Variants in PHACTR1 observed in about 807,000 individuals in gnomAD.
The protein encoded by PHACTR1 is RPEL repeat containing 1.
A neutral mutation model predicts 69.2 loss-of-function variants in PHACTR1; 16 were observed. The observed-to-expected ratio is 0.23, with a 90% CI of 0.16 to 0.35. PHACTR1 has a LOEUF of 0.35. Ranked by LOEUF, PHACTR1 falls within the 10% of genes least tolerant of loss-of-function variation. The pLI is 1.00. For missense variants in PHACTR1, 510 were observed against 734.7 expected (o/e 0.69, Z 3.54); for synonymous variants, 312 against 284.5 (o/e 1.10, Z -0.97).
At chr6:13,258,752 T>C (rs1008494854) in intron 10 of PHACTR1, among the ~76,000 whole-genome samples, 3 of 152,210 alleles carry the variant, frequency 2.0e-5, no homozygotes, top group African/African-American at 7.2e-5. Context: ...GGTTCATTTT[T>C]TGCCAAAGGT....
intron 3 of PHACTR1, among the ~76,000 whole-genome samples, chr6:12,737,440 CAGAG>C (rs1191120512): frequency 6.6e-6 from 1 of 151,392 alleles, no homozygotes; most frequent in African/African-American, 2.4e-5. Context: ...CATATGTGTC[CAGAG>C]AGATGAGGGA....
chr6:13,253,859 G>A (rs924331508), intron 10 of PHACTR1, among the ~76,000 whole-genome samples: 2 of 152,216 alleles, frequency 1.3e-5, no homozygotes, highest in East Asian at 1.9e-4. Flanking sequence ...TCACTGAAGG[G>A]CTAAGACAGT....
chr6:12,844,389 C>T (rs977596793), intron 4 of PHACTR1, among the ~76,000 whole-genome samples: 19 of 151,976 alleles, frequency 1.3e-4, no homozygotes, highest in African/African-American at 4.3e-4. Flanking sequence ...AGAGCAAGAC[C>T]CTATCCCCCG....
chr6:13,085,558 G>A (rs760850878), intron 5 of PHACTR1, among the ~76,000 whole-genome samples: 5 of 152,068 alleles, frequency 3.3e-5, no homozygotes, highest in Non-Finnish European at 7.4e-5. Context: ...TTCAAAATAT[G>A]TATGTATCTA....
At chr6:12,750,160 C>G (rs1021953139) in intron 4 of PHACTR1, among the ~76,000 whole-genome samples, 1 of 152,174 alleles carries the variant, frequency 6.6e-6, no homozygotes, top group African/African-American at 2.4e-5. Flanking sequence ...GCGGCTACTA[C>G]GGGGTGGAAC....
chr6:13,130,708 A>G (rs1820277097), intron 5 of PHACTR1, among the ~76,000 whole-genome samples: 1 of 152,226 alleles, frequency 6.6e-6, no homozygotes, highest in South Asian at 2.1e-4. Context: ...ATGGATTCAC[A>G]GCTGAATTCT....
intron 5 of PHACTR1, among the ~76,000 whole-genome samples, chr6:13,118,554 C>T (rs1818170363): frequency 7.0e-6 from 1 of 142,218 alleles, no homozygotes; most frequent in Non-Finnish European, 1.5e-5. Context: ...TCTCGGCTCA[C>T]TGCAACCTCC....
chr6:12,762,887 T>C (rs978008019), intron 4 of PHACTR1, among the ~76,000 whole-genome samples: 2 of 152,188 alleles, frequency 1.3e-5, no homozygotes, highest in East Asian at 1.9e-4. Flanking sequence ...ACTGCCAAAA[T>C]CTGAGTCAAA....
intron 5 of PHACTR1, among the ~76,000 whole-genome samples, chr6:13,097,039 C>T (rs141801886): frequency 1.3e-3 from 201 of 152,250 alleles, no homozygotes; most frequent in Non-Finnish European, 2.0e-3. Flanking sequence ...TTACTATAAA[C>T]ATTAATAAGG....
chr6:13,174,173 A>G (rs1761011359), intron 6 of PHACTR1, among the ~76,000 whole-genome samples: 1 of 152,244 alleles, frequency 6.6e-6, no homozygotes, highest in Admixed American at 6.5e-5. Flanking sequence ...TCTCCATTTG[A>G]GATGCACAAA....
At chr6:12,995,074 A>T (rs1378172572) in intron 4 of PHACTR1, among the ~76,000 whole-genome samples, 1 of 152,122 alleles carries the variant, frequency 6.6e-6, no homozygotes, top group Non-Finnish European at 1.5e-5. Flanking sequence ...AAGTAAAACA[A>T]CATGAAACAA....
intron 7 of PHACTR1, among the ~76,000 whole-genome samples, chr6:13,197,882 A>G (rs1427069178): frequency 6.6e-6 from 1 of 152,168 alleles, no homozygotes; most frequent in African/African-American, 2.4e-5. Context: ...CTCTTTGGAA[A>G]GGAATGCCTC....
intron 3 of PHACTR1, among the ~76,000 whole-genome samples, chr6:12,730,189 T>C (rs1763313254): frequency 6.6e-6 from 1 of 152,202 alleles, no homozygotes; most frequent in Non-Finnish European, 1.5e-5. Flanking sequence ...ATGTTTTACA[T>C]TGGCCTCTGA....
At chr6:13,178,467 A>G (rs76751050) in intron 6 of PHACTR1, among the ~76,000 whole-genome samples, 1 of 152,370 alleles carries the variant, frequency 6.6e-6, no homozygotes, top group South Asian at 2.1e-4. Flanking sequence ...AAGGAGCACT[A>G]ACATCACCCA....
Position 13,076,322 on chromosome 6 carries a change from T to C in PHACTR1, c.415+22793T>C, listed in dbSNP as rs1810464059. Among the ~76,000 whole-genome samples the C allele has an allele frequency of 2.0e-5, 3 of 152,162 alleles. No homozygotes were observed. The South Asian group carries it at 6.2e-4, about 32-fold the overall frequency. On this transcript the variant is annotated intron_variant, in intron 5 of 14. Coordinates refer to ENST00000332995, the MANE Select transcript of PHACTR1 (RefSeq NM_030948.6). ...GTAAGTAATCCTTTAATTGTCTTAATTTAGTCCCAATTGATAATTATTTCC... is the reference window on the plus strand; with the variant it reads ...GTAAGTAATCCTTTAATTGTCTTAACTTAGTCCCAATTGATAATTATTTCC...
intron 7 of PHACTR1, among the ~76,000 whole-genome samples, chr6:13,205,522 C>T (rs138698243): frequency 0.014 from 2,095 of 152,310 alleles, 23 homozygotes; most frequent in Non-Finnish European, 0.019. Context: ...CCTCCTTCCT[C>T]CTGCCTCACT....
At chr6:12,834,242 A>G (rs1777905510) in intron 4 of PHACTR1, among the ~76,000 whole-genome samples, 2 of 152,178 alleles carry the variant, frequency 1.3e-5, no homozygotes, top group Non-Finnish European at 2.9e-5. Context: ...ATTTTTCAAA[A>G]GATTCTGGAA....
rs180967494 is a variant in PHACTR1 at position 13,144,475 on chromosome 6, G to A, written c.416-15729G>A. Among the ~76,000 whole-genome samples the A allele has an allele frequency of 4.9e-3, 749 of 152,254 alleles. 15 individuals are homozygous for A. The highest frequency in any genetic ancestry group is 0.039 in the Admixed American group (592 of 15,284). On this transcript the variant is annotated intron_variant, in intron 5 of 14. Coordinates refer to ENST00000332995, the MANE Select transcript of PHACTR1 (RefSeq NM_030948.6). ...CATAAAAATAAAATGAAGAGATGGAGCATATTCATGGACTAGAAGACTCAA... is the reference window on the plus strand; with the variant it reads ...CATAAAAATAAAATGAAGAGATGGAACATATTCATGGACTAGAAGACTCAA...
intron 13 of PHACTR1, 73 bp from the exon 14 acceptor site, chr6:13,286,073 A>G (rs966068984): frequency 8.0e-7 from 1 of 1,246,318 alleles, no homozygotes; most frequent in Non-Finnish European, 1.1e-6. Flanking sequence ...ATATGTTGTT[A>G]GGAATGAACT....
Sources: gnomAD v4.1 joint callset for allele counts (sites outside exome capture counted in the v4.1 genomes callset) on GRCh38, gnomAD v4.1.1 for gene constraint, MANE v1.5 for transcripts, NCBI Gene and HGNC (gene_info 2026-07-23, HGNC 2026-07-21) for gene names.